Variants in SLC25A48 observed in about 807,000 individuals in gnomAD.
SLC25A48 encodes solute carrier family 25 member 48.
In SLC25A48, 29 loss-of-function variants were observed where a neutral mutation model predicts 32.2. The observed-to-expected ratio is 0.90, with a 90% CI of 0.67 to 1.23. The LOEUF is 1.23. Ranked by LOEUF, SLC25A48 falls within the 50% of genes most tolerant of loss-of-function variation. The pLI is 0.00. For missense variants in SLC25A48, 399 were observed against 422.7 expected (o/e 0.94, Z 0.49); for synonymous variants, 164 against 172.3 (o/e 0.95, Z 0.38).
At chr5:135,768,421 T>G (rs1215499288) in intron 3 of SLC25A48, among the ~76,000 whole-genome samples, 1 of 151,240 alleles carries the variant, frequency 6.6e-6, no homozygotes. Context: ...TGAGATATTG[T>G]TCGTAAAATT....
chr5:135,728,807 T>A (rs920863493), intron 3 of SLC25A48, among the ~76,000 whole-genome samples: 1 of 149,068 alleles, frequency 6.7e-6, no homozygotes, highest in Non-Finnish European at 1.5e-5. Context: ...CTCAGTTTCA[T>A]CCTCTTGGAA....
intron 3 of SLC25A48, among the ~76,000 whole-genome samples, chr5:135,810,205 T>G (rs1757561819): frequency 6.6e-6 from 1 of 152,186 alleles, no homozygotes; most frequent in South Asian, 2.1e-4. Context: ...TTTGACCAAA[T>G]TGGCCCTGAG....
chr5:135,719,652 G>C (rs549812013), intron 3 of SLC25A48, among the ~76,000 whole-genome samples: 1 of 152,300 alleles, frequency 6.6e-6, no homozygotes, highest in African/African-American at 2.4e-5. Context: ...GGACAGGAGA[G>C]GGAGGACTGG....
At chr5:135,793,995 T>C (rs1272644573) in intron 3 of SLC25A48, among the ~76,000 whole-genome samples, 1 of 151,898 alleles carries the variant, frequency 6.6e-6, no homozygotes, top group East Asian at 1.9e-4. Context: ...ATACTATTTC[T>C]TTGATATTGT....
intron 3 of SLC25A48, among the ~76,000 whole-genome samples, chr5:135,776,271 G>A (rs566201592): frequency 7.3e-6 from 1 of 136,464 alleles, no homozygotes; most frequent in Non-Finnish European, 1.5e-5. Flanking sequence ...ATATCTGGGG[G>A]GTGGGGGGCA....
At chr5:135,591,993 T>G (rs2126876984) in intron 1 of SLC25A48, among the ~76,000 whole-genome samples, 1 of 152,234 alleles carries the variant, frequency 6.6e-6, no homozygotes, top group South Asian at 2.1e-4. Flanking sequence ...GATGGGAGAC[T>G]TTGTAGTATG....
intron 3 of SLC25A48, among the ~76,000 whole-genome samples, chr5:135,777,856 T>G (rs1481849935): frequency 6.6e-6 from 1 of 151,206 alleles, no homozygotes; most frequent in African/African-American, 2.4e-5. Context: ...ATATTGTTCC[T>G]AATGCTTAAG....
At chr5:135,610,513 GGGTA>G (rs1752040871) in intron 1 of SLC25A48, among the ~76,000 whole-genome samples, 1 of 152,148 alleles carries the variant, frequency 6.6e-6, no homozygotes, top group South Asian at 2.1e-4. Flanking sequence ...GTCCTTTCCA[GGGTA>G]GTGAAGACAT....
In SLC25A48 at chr5:135,837,047, G is replaced by GACCT. The variant is rs375335103; in HGVS notation, c.46+2155_46+2158dup. On this transcript the variant is annotated intron_variant, in intron 1 of 7. Transcript: ENST00000681962. ...GAAGTGCCAAGGTCTGGAAATCACTGACCTTATAATCCCATTTTTTTAAAT... is the reference window on the plus strand; with the variant it reads ...GAAGTGCCAAGGTCTGGAAATCACTGACCTACCTTATAATCCCATTTTTTTAAAT... 1.3e-3 allele frequency among the ~76,000 whole-genome samples: 170 copies of GACCT among 128,272 alleles called. 1 individual carries two copies. The highest frequency in any genetic ancestry group is 5.4e-3 in the African/African-American group (155 of 28,806). 84.2% of individuals were successfully genotyped at this position (128,272 alleles called of 152,430 possible).
chr5:135,722,234 C>T (rs190119580), intron 3 of SLC25A48, among the ~76,000 whole-genome samples: 30 of 152,180 alleles, frequency 2.0e-4, no homozygotes, highest in African/African-American at 7.2e-4. Flanking sequence ...CTCACATTTA[C>T]TTGTGCTTGC....
chr5:135,880,699 AG>A (rs1762403105), intron 7 of SLC25A48, among the ~76,000 whole-genome samples: 1 of 152,048 alleles, frequency 6.6e-6, no homozygotes, highest in South Asian at 2.1e-4. Context: ...CTCTAGATAA[AG>A]CCTTCACCCT....
chr5:135,789,968 T>C (rs1318902790), intron 3 of SLC25A48, among the ~76,000 whole-genome samples: 1 of 151,966 alleles, frequency 6.6e-6, no homozygotes, highest in Non-Finnish European at 1.5e-5. Flanking sequence ...AGGAGTAACA[T>C]TTCAGTATAA....
chr5:135,806,844 G>A (rs1338840095), intron 3 of SLC25A48, among the ~76,000 whole-genome samples: 2 of 149,094 alleles, frequency 1.3e-5, no homozygotes, highest in African/African-American at 2.4e-5. Context: ...TTAACATTAG[G>A]TATTATAAAA....
intron 3 of SLC25A48, among the ~76,000 whole-genome samples, chr5:135,638,312 G>T (rs1380536939): frequency 6.6e-6 from 1 of 152,108 alleles, no homozygotes; most frequent in Non-Finnish European, 1.5e-5. Context: ...GTATTTTCTT[G>T]CAGAACACCA....
intron 3 of SLC25A48, among the ~76,000 whole-genome samples, chr5:135,706,577 G>A (rs1002505667): frequency 2.6e-5 from 4 of 152,064 alleles, no homozygotes; most frequent in South Asian, 2.1e-4. Context: ...CAGTTGTTAT[G>A]GAGGCATGAG....
chr5:135,672,305 T>C (rs1020099806), intron 3 of SLC25A48, among the ~76,000 whole-genome samples: 16 of 152,156 alleles, frequency 1.1e-4, no homozygotes, highest in African/African-American at 3.6e-4. Flanking sequence ...GGGCCTGAAA[T>C]GAGCAAGGAA....
chr5:135,644,682 A>G (rs1752917522), intron 3 of SLC25A48, among the ~76,000 whole-genome samples: 2 of 152,190 alleles, frequency 1.3e-5, no homozygotes, highest in South Asian at 4.1e-4. Context: ...AGTCAGACCC[A>G]GATTTGTGTG....
At chr5:135,880,687 C>T (rs1762401574) in intron 7 of SLC25A48, among the ~76,000 whole-genome samples, 1 of 152,154 alleles carries the variant, frequency 6.6e-6, no homozygotes, top group Non-Finnish European at 1.5e-5. Flanking sequence ...CTCCCCATTG[C>T]CCTCTAGATA....
At chr5:135,710,887 T>TC (rs954574685) in intron 3 of SLC25A48, among the ~76,000 whole-genome samples, 50 of 151,790 alleles carry the variant, frequency 3.3e-4, no homozygotes, top group African/African-American at 1.2e-3. Flanking sequence ...GAAGTATTTT[T>TC]TTCTGCATAA....
Sources: gnomAD v4.1 joint callset for allele counts (sites outside exome capture counted in the v4.1 genomes callset) on GRCh38, gnomAD v4.1.1 for gene constraint, MANE v1.5 for transcripts, NCBI Gene and HGNC (gene_info 2026-07-23, HGNC 2026-07-21) for gene names.